The following EPHA6 variants were observed in gnomAD, a reference collection of about 807,000 sequenced individuals.
The protein encoded by EPHA6 is EPH receptor A6, also known as ephrin type-A receptor 6.
Under a neutral mutation model 112.0 loss-of-function variants are expected in EPHA6, and 50 were observed. The ratio of observed to expected loss-of-function variants is 0.45; its 90% CI spans 0.36 to 0.56. The LOEUF is 0.56. Ranked by LOEUF, EPHA6 falls within the 20% of genes least tolerant of loss-of-function variation. The pLI is 0.00. For synonymous variants in EPHA6, 529 were observed against 490.7 expected, an observed-to-expected ratio of 1.08 and a Z score of -1.03; for missense variants, 1,280 against 1,417.4, an observed-to-expected ratio of 0.90 and a Z score of 1.56.
chr3:96,894,235 T>A (rs2038140512), intron 2 of EPHA6, among the ~76,000 whole-genome samples: 1 of 152,212 alleles, frequency 6.6e-6, no homozygotes, highest in Non-Finnish European at 1.5e-5. Flanking sequence ...AACTCATCGA[T>A]GACCCACCTT....
chr3:97,253,847 A>G (rs1210867600), intron 5 of EPHA6, among the ~76,000 whole-genome samples: 4 of 152,100 alleles, frequency 2.6e-5, no homozygotes, highest in African/African-American at 7.2e-5. Flanking sequence ...TTGTCTATCT[A>G]TGAGTTGTTC....
chr3:97,291,095 C>CT (rs921122420), intron 5 of EPHA6, among the ~76,000 whole-genome samples: 2 of 151,688 alleles, frequency 1.3e-5, no homozygotes, highest in African/African-American at 4.8e-5. Flanking sequence ...TTTCGAGATG[C>CT]TTTTTTTTAA....
At chr3:97,054,159 A>G (rs973448041) in intron 3 of EPHA6, among the ~76,000 whole-genome samples, 16 of 139,840 alleles carry the variant, frequency 1.1e-4, no homozygotes, top group Non-Finnish European at 1.6e-4. Context: ...TGACATAACT[A>G]TCTAACACAC....
chr3:96,894,509 A>G (rs895204854), intron 2 of EPHA6, among the ~76,000 whole-genome samples: 3 of 152,108 alleles, frequency 2.0e-5, no homozygotes, highest in Admixed American at 1.3e-4. Context: ...GCTACAACCA[A>G]GGAATACACC....
chr3:97,204,082 A>C (rs893443348), intron 3 of EPHA6, among the ~76,000 whole-genome samples: 1 of 152,140 alleles, frequency 6.6e-6, no homozygotes, highest in South Asian at 2.1e-4. Flanking sequence ...ACTAAGTGAC[A>C]GTGTATTTTA....
intron 5 of EPHA6, among the ~76,000 whole-genome samples, chr3:97,359,532 T>A (rs1223339274): frequency 6.6e-6 from 1 of 152,056 alleles, no homozygotes; most frequent in Non-Finnish European, 1.5e-5. Flanking sequence ...GTTTAAGTCT[T>A]TGTTTAATAG....
At chr3:97,106,759 G>A (rs2047582478) in intron 3 of EPHA6, among the ~76,000 whole-genome samples, 1 of 152,120 alleles carries the variant, frequency 6.6e-6, no homozygotes, top group South Asian at 2.1e-4. Flanking sequence ...GAGACTTACT[G>A]CCGAGGGGTC....
intron 11 of EPHA6, among the ~76,000 whole-genome samples, chr3:97,584,998 T>C (rs1302473736): frequency 6.6e-6 from 1 of 152,200 alleles, no homozygotes; most frequent in African/African-American, 2.4e-5. Context: ...ACATTTTTAT[T>C]ACTAAACATG....
intron 5 of EPHA6, among the ~76,000 whole-genome samples, chr3:97,403,159 A>T (rs2087102544): frequency 6.6e-6 from 1 of 152,116 alleles, no homozygotes; most frequent in African/African-American, 2.4e-5. Context: ...TTGCTTCATA[A>T]CTTTATATAT....
rs545171287 is a variant in EPHA6 at position 97,224,023 on chromosome 3, T to G, written c.1115-2241T>G. 2.0e-5 allele frequency among the ~76,000 whole-genome samples: 3 copies of G among 152,074 alleles called. No individual in the cohort carries two copies. The South Asian group carries it at 6.2e-4, about 32-fold the overall frequency. ...GCTAAAGTACATACAGGATTTCAAA[T>G]ACTTCGAGAAAAAAAAAATTTAAAA... On this transcript the variant is annotated intron_variant, in intron 3 of 17. Transcript: ENST00000389672.
intron 5 of EPHA6, among the ~76,000 whole-genome samples, chr3:97,277,246 G>A (rs1263881410): frequency 6.6e-6 from 1 of 152,100 alleles, no homozygotes; most frequent in Non-Finnish European, 1.5e-5. Context: ...AAGGGAGATA[G>A]GGGTGGGGCC....
At chr3:97,709,075 C>A (rs963340664) in intron 14 of EPHA6, among the ~76,000 whole-genome samples, 3 of 151,706 alleles carry the variant, frequency 2.0e-5, no homozygotes, top group African/African-American at 7.3e-5. Flanking sequence ...CCTACTGGGG[C>A]ACTGCCTGGT....
At chr3:97,250,128 G>A (rs2079093272) in intron 5 of EPHA6, among the ~76,000 whole-genome samples, 1 of 152,124 alleles carries the variant, frequency 6.6e-6, no homozygotes, top group African/African-American at 2.4e-5. Context: ...GATATAAAAA[G>A]GTCAAAGCCT....
Position 97,359,285 on chromosome 3 carries a change from G to A in EPHA6, c.1607-45865G>A, listed in dbSNP as rs541302501. Among the ~76,000 whole-genome samples, 3 of 151,768 alleles carry A rather than the reference G, an allele frequency of 2.0e-5. No homozygotes were observed. The East Asian group carries it at 5.8e-4, about 29-fold the overall frequency. ...TCCCTCAGACTTGATAATTTCCATT[G>A]CCCTATCTTCAAGTTCATGGATTCT... On this transcript the variant is annotated intron_variant, in intron 5 of 17. Coordinates refer to ENST00000389672, the MANE Select transcript of EPHA6 (RefSeq NM_001080448.3).
rs1443226938 is a variant in EPHA6 at position 97,750,702 on chromosome 3, C to T, written c.*2001C>T. Among the ~76,000 whole-genome samples the T allele has an allele frequency of 6.6e-6, 1 of 152,002 alleles. No homozygotes were observed. Among genetic ancestry groups the T allele is most frequent in the Non-Finnish European group, 1.5e-5 (1 of 68,000 alleles). The stretch of plus-strand genomic sequence containing the variant: ...TTGTTGATCGTCCCATTATACTAGA[C>T]CCTTCTACATATTTTCTTTTGCTGA... On this transcript the variant is annotated 3_prime_UTR_variant, in exon 18 of 18. Coordinates refer to ENST00000389672, the MANE Select transcript of EPHA6 (RefSeq NM_001080448.3).
chr3:97,132,925 T>A (rs2075670833), intron 3 of EPHA6, among the ~76,000 whole-genome samples: 1 of 152,006 alleles, frequency 6.6e-6, no homozygotes, highest in Admixed American at 6.6e-5. Flanking sequence ...GTATTTGCCT[T>A]TGAGGATATT....
chr3:97,120,982 G>C (rs2048025376), intron 3 of EPHA6, among the ~76,000 whole-genome samples: 1 of 151,938 alleles, frequency 6.6e-6, no homozygotes, highest in Non-Finnish European at 1.5e-5. Context: ...TGGTGAAACA[G>C]ATTCAGAAAT....
At chr3:96,975,791 GA>G (rs1296406965) in intron 2 of EPHA6, among the ~76,000 whole-genome samples, 1 of 152,130 alleles carries the variant, frequency 6.6e-6, no homozygotes, top group African/African-American at 2.4e-5. Context: ...ACCATAGACA[GA>G]AGTTCCTTGT....
intron 5 of EPHA6, among the ~76,000 whole-genome samples, chr3:97,323,182 A>C (rs907140795): frequency 6.6e-6 from 1 of 151,964 alleles, no homozygotes; most frequent in Admixed American, 6.6e-5. Flanking sequence ...CATATGTTTC[A>C]TCTGACATAA....
Sources: allele counts gnomAD v4.1 joint callset (sites outside exome capture counted in the v4.1 genomes callset), GRCh38; gene constraint gnomAD v4.1.1; transcripts MANE v1.5; gene names NCBI Gene and HGNC (gene_info 2026-07-23, HGNC 2026-07-21).